The following MALT1 variants were observed in gnomAD, a reference collection of about 807,000 sequenced individuals.
MALT1 encodes the protein mucosa-associated lymphoid tissue lymphoma translocation protein 1.
MALT1 carries 36 observed loss-of-function variants against 85.5 expected under a neutral mutation model. The ratio of observed to expected loss-of-function variants is 0.42; its 90% CI spans 0.32 to 0.56. MALT1 has a LOEUF of 0.56. Among genes scored for constraint, MALT1 ranks in the 20% least tolerant of loss-of-function variants. The pLI, the probability that MALT1 is intolerant of heterozygous loss-of-function variation, is 0.10. For missense variants in MALT1, 716 were observed against 981.6 expected (o/e 0.73, Z 3.62); for synonymous variants, 359 against 361.3 (o/e 0.99, Z 0.07).
In MALT1 at chr18:58,748,372, A is replaced by T. The variant is rs2055401311; in HGVS notation, c.*530A>T. The T allele has an allele frequency of 5.5e-6, 1 of 183,068 alleles. No homozygotes were observed. Among genetic ancestry groups the T allele is most frequent in the Non-Finnish European group, 1.2e-5 (1 of 85,854 alleles). 11.3% of individuals were successfully genotyped at this position (183,068 alleles called of 1,614,324 possible). A position where few individuals can be genotyped will look rare whatever the true frequency, so the allele number is the denominator to read the frequency against. On this transcript the variant is annotated 3_prime_UTR_variant, in exon 17 of 17. Transcript: ENST00000649217. Reference sequence around the variant, plus strand: ...AAGTGTTATGTTTGTAGATAGAGTGAAATATATTTATATATATATAAATAT... The same window carrying T: ...AAGTGTTATGTTTGTAGATAGAGTGTAATATATTTATATATATATAAATAT...
chr18:58,714,926 T>A (rs1419073149), intron 8 of MALT1, among the ~76,000 whole-genome samples: 4 of 152,256 alleles, frequency 2.6e-5, no homozygotes, highest in East Asian at 3.8e-4. Context: ...ACTAGTTTGC[T>A]TAGTGTCATA....
chr18:58,725,466 C>T (rs1314256852), intron 10 of MALT1, among the ~76,000 whole-genome samples: 2 of 152,198 alleles, frequency 1.3e-5, no homozygotes, highest in African/African-American at 2.4e-5. Flanking sequence ...CCAAGTCTTT[C>T]GGATAAAGGA....
intron 1 of MALT1, 60 bp from the exon 2 acceptor site, chr18:58,681,110 T>C (rs2054316710): frequency 2.6e-6 from 4 of 1,512,000 alleles, no homozygotes; most frequent in East Asian, 2.3e-5. Flanking sequence ...GGTCCAGATA[T>C]ATAGCAGGTG....
chr18:58,695,169 G>A (rs1409811944), intron 2 of MALT1, among the ~76,000 whole-genome samples: 1 of 152,200 alleles, frequency 6.6e-6, no homozygotes, highest in East Asian at 1.9e-4. Flanking sequence ...CCCTAGCCAC[G>A]TAGAACTGTA....
intron 9 of MALT1, among the ~76,000 whole-genome samples, chr18:58,716,169 A>G (rs1385821422): frequency 1.3e-5 from 2 of 152,204 alleles, no homozygotes; most frequent in African/African-American, 2.4e-5. Flanking sequence ...GGTCAAGTCA[A>G]CTTCTGTGGA....
intron 13 of MALT1, among the ~76,000 whole-genome samples, chr18:58,740,412 A>AT (rs1285546582): frequency 1.3e-5 from 2 of 151,570 alleles, no homozygotes; most frequent in Non-Finnish European, 2.9e-5. Context: ...CTTTTAGCCT[A>AT]TTTTTTCCAA....
chr18:58,722,955 T>C (rs1295123096), intron 9 of MALT1, 93 bp from the exon 10 acceptor site: 3 of 795,216 alleles, frequency 3.8e-6, no homozygotes, highest in East Asian at 2.7e-5. Flanking sequence ...TAATGCAATC[T>C]TAAAGCATAC....
chr18:58,726,533 C>T (rs1039059840), intron 10 of MALT1, among the ~76,000 whole-genome samples: 1 of 152,066 alleles, frequency 6.6e-6, no homozygotes, highest in African/African-American at 2.4e-5. Context: ...CGAGTTCATG[C>T]CCTTTTATAT....
intron 2 of MALT1, chr18:58,690,985 G>A: frequency 7.0e-6 from 2 of 285,502 alleles, no homozygotes; most frequent in Admixed American, 4.1e-5. Context: ...AGATTCTCAG[G>A]CATCCTTCTC....
chr18:58,735,821 T>C (rs2055214624), intron 13 of MALT1, among the ~76,000 whole-genome samples: 1 of 152,186 alleles, frequency 6.6e-6, no homozygotes, highest in Non-Finnish European at 1.5e-5. Flanking sequence ...AGTTTTTAAA[T>C]CCTGATTTAA....
intron 1 of MALT1, chr18:58,673,956 A>T (rs1365673143): frequency 6.6e-6 from 1 of 152,036 alleles, no homozygotes; most frequent in African/African-American, 2.4e-5. Context: ...AAAAACAAAT[A>T]CAAAATATTG....
chr18:58,722,107 AT>A (rs1179572821), intron 9 of MALT1, among the ~76,000 whole-genome samples: 54 of 51,392 alleles, frequency 1.1e-3, no homozygotes, highest in East Asian at 1.4e-3. Flanking sequence ...TGTGTTCTTT[AT>A]TTTTTTTTTT....
intron 15 of MALT1, 42 bp from the exon 16 acceptor site, chr18:58,745,624 A>G (rs767724939): frequency 6.5e-7 from 1 of 1,546,206 alleles, no homozygotes; most frequent in Admixed American, 1.7e-5. Flanking sequence ...TGTGGCTTTC[A>G]TTGATTTCAT....
intron 4 of MALT1, among the ~76,000 whole-genome samples, chr18:58,705,155 G>A (rs2054727968): frequency 6.6e-6 from 1 of 151,918 alleles, no homozygotes; most frequent in Non-Finnish European, 1.5e-5. Context: ...CTAACTTATT[G>A]TAGTAAACCT....
At chr18:58,735,163 C>T in intron 12 of MALT1, 39 bp from the exon 13 acceptor site, 1 of 1,571,400 alleles carries the variant, frequency 6.4e-7, no homozygotes, top group Non-Finnish European at 8.6e-7. Context: ...CAGTATTTGC[C>T]TTTCTGTGCC....
At chr18:58,731,608 T>G (rs1216344701) in intron 10 of MALT1, among the ~76,000 whole-genome samples, 7 of 152,252 alleles carry the variant, frequency 4.6e-5, no homozygotes, top group Non-Finnish European at 8.8e-5. Context: ...CCTTTGCAAA[T>G]TTCTAGCCAT....
At chr18:58,707,022 CTT>C (rs905950628) in intron 4 of MALT1, among the ~76,000 whole-genome samples, 1 of 151,276 alleles carries the variant, frequency 6.6e-6, no homozygotes, top group East Asian at 1.9e-4. Flanking sequence ...CTTGTAAGCT[CTT>C]TTTTTTTCTT....
At chr18:58,690,143 T>G (rs992784714) in intron 2 of MALT1, among the ~76,000 whole-genome samples, 2 of 152,246 alleles carry the variant, frequency 1.3e-5, no homozygotes, top group African/African-American at 4.8e-5. Context: ...TCCAATAGCA[T>G]GTGCCTACTT....
chr18:58,698,468 C>T (rs1179887118), intron 3 of MALT1, among the ~76,000 whole-genome samples: 5 of 152,050 alleles, frequency 3.3e-5, no homozygotes, highest in African/African-American at 4.8e-5. Context: ...GTAGCAGTAG[C>T]GTGGAGAAGA....
Sources: gnomAD v4.1 joint callset for allele counts (sites outside exome capture counted in the v4.1 genomes callset) on GRCh38, gnomAD v4.1.1 for gene constraint, MANE v1.5 for transcripts, NCBI Gene and HGNC (gene_info 2026-07-23, HGNC 2026-07-21) for gene names.